Variants in CLCC1 observed in about 807,000 individuals in gnomAD.
The protein encoded by CLCC1 is chloride channel CLIC like 1, also known as chloride channel CLIC-like protein 1.
In CLCC1, 39 loss-of-function variants were observed where a neutral mutation model predicts 63.3. That is an observed-to-expected ratio of 0.62 (90% CI 0.48 to 0.81). CLCC1 has a LOEUF of 0.81. Ranked by LOEUF, CLCC1 falls within the 30% of genes least tolerant of loss-of-function variation. CLCC1 has a pLI of 0.00. For synonymous variants in CLCC1, 217 were observed against 239.8 expected (o/e 0.90, Z 0.88); for missense variants, 549 against 669.4 (o/e 0.82, Z 1.98).
chr1:108,943,167 C>T (rs937934778), intron 7 of CLCC1, among the ~76,000 whole-genome samples: 2 of 152,188 alleles, frequency 1.3e-5, no homozygotes, highest in Admixed American at 6.5e-5. Context: ...CTCAGCCTCC[C>T]AAAATGCTGG....
intron 10 of CLCC1, among the ~76,000 whole-genome samples, chr1:108,939,002 C>T (rs1033481742): frequency 1.3e-5 from 2 of 151,694 alleles, no homozygotes; most frequent in Admixed American, 6.6e-5. Context: ...ACTTAAAAAT[C>T]GCCTTCTCAT....
intron 1 of CLCC1, among the ~76,000 whole-genome samples, chr1:108,962,870 C>CA (rs34375249): frequency 0.54 from 72,091 of 133,628 alleles, 18,320 homozygotes; most frequent in East Asian, 0.65. Flanking sequence ...GACTCCGTCT[C>CA]AAAAAAAAAA....
intron 11 of CLCC1, among the ~76,000 whole-genome samples, chr1:108,936,066 G>A (rs1652902762): frequency 6.6e-6 from 1 of 150,724 alleles, no homozygotes; most frequent in Admixed American, 6.6e-5. Flanking sequence ...TATAAAAGCT[G>A]GAAGGACCAT....
At chr1:108,959,525 TTA>T (rs1656362841) in intron 2 of CLCC1, among the ~76,000 whole-genome samples, 2 of 152,190 alleles carry the variant, frequency 1.3e-5, no homozygotes, top group African/African-American at 4.8e-5. Flanking sequence ...ATAACTGTTA[TTA>T]TTGTGTATTG....
chr1:108,939,801 A>G lies in CLCC1; in HGVS notation c.895-19T>C. 2 of 1,610,978 alleles carry G rather than the reference A, an allele frequency of 1.2e-6. No individual in the cohort carries two copies. The highest frequency in any genetic ancestry group is 1.7e-6 in the Non-Finnish European group (2 of 1,178,624). ...CAAGTGCCTAAAACGAGAGAAAAGC[A>G]ACTTAATTTTCTCCTCACAGGACTA... On this transcript the variant is annotated intron_variant, in intron 9 of 12. Transcript: ENST00000369969.
intron 10 of CLCC1, 22 bp from the exon 11 acceptor site, chr1:108,937,440 T>C: frequency 6.5e-7 from 1 of 1,536,114 alleles, no homozygotes; most frequent in Non-Finnish European, 8.8e-7. Flanking sequence ...AGAAATACAT[T>C]TTCCTGAGGA....
chr1:108,963,462 TGGGCCTCGTCATC>T lies in CLCC1; in HGVS notation c.-287_-275del, dbSNP rs1656950065. 2.8e-6 allele frequency: 2 copies of T among 702,140 alleles called. No individual in the cohort carries two copies. The highest frequency in any genetic ancestry group is 5.2e-6 in the Non-Finnish European group (2 of 384,610). The allele number at this position is 702,140 out of a possible 1,614,324, so 43.5% of individuals were successfully genotyped here. A position where few individuals can be genotyped will look rare whatever the true frequency, so the allele number is the denominator to read the frequency against. On this transcript the variant is annotated 5_prime_UTR_variant, in exon 1 of 13. An upstream start codon of the reference 5' UTR is lost. Coordinates refer to ENST00000369969, the MANE Select transcript of CLCC1 (RefSeq NM_001377458.1). ...CCGCCCAGGGTTTCAGCGTGCTTCC[TGGGCCTCGTCATC>T]GAATTGTTCGGCTGACGGCTGCGTG...
intron 2 of CLCC1, among the ~76,000 whole-genome samples, chr1:108,951,761 GTA>G (rs1035332108): frequency 1.4e-5 from 2 of 140,680 alleles, no homozygotes; most frequent in African/African-American, 2.6e-5. Flanking sequence ...CCGTTGAATT[GTA>G]TACTTTTTTT....
Position 108,943,560 on chromosome 1 carries a change from T to C in CLCC1, c.617A>G (p.Tyr206Cys), listed in dbSNP as rs1649365002. Residue 206 changes from tyrosine (Y) to cysteine (C), a missense_variant, in exon 7 of 13, where the codon TAT becomes TGT. Physicochemically the swap from Tyr to Cys is radical, Grantham distance 194. Transcript: ENST00000369969. ...TCTCAACTGAGTGTACCAACGTACA[T>C]ATGTCCACAGCTCAGTAGCCACTAA... ...VVLVATELWT[Y>C]VRWYTQLRRV... 2 of 1,613,942 alleles carry C rather than the reference T, an allele frequency of 1.2e-6. No individual in the cohort carries two copies. The highest frequency in any genetic ancestry group is 1.7e-6 in the Non-Finnish European group (2 of 1,179,922).
At position 108,941,284 on chromosome 1, in the gene CLCC1, C is replaced by G. The variant is rs1030327841; in HGVS notation, c.796+121G>C. On this transcript the variant is annotated intron_variant, in intron 8 of 12. Coordinates refer to ENST00000369969, the MANE Select transcript of CLCC1 (RefSeq NM_001377458.1). ...AAACCTAAAATGCTTCTTGCATGTT[C>G]TTCTGATATTAAAGATTCAGTCATG... is the stretch of plus-strand genomic sequence containing the variant. 6.8e-6 allele frequency: 6 copies of G among 879,472 alleles called. No homozygotes were observed. The Admixed American group carries it at 9.8e-5, about 14-fold the overall frequency. 54.5% of individuals were successfully genotyped at this position (879,472 alleles called of 1,614,324 possible). A position where few individuals can be genotyped will look rare whatever the true frequency, so the allele number is the denominator to read the frequency against.
intron 5 of CLCC1, among the ~76,000 whole-genome samples, chr1:108,946,642 G>A (rs569965852): frequency 6.6e-6 from 1 of 152,214 alleles, no homozygotes; most frequent in African/African-American, 2.4e-5. Context: ...GGGGCTAATG[G>A]CCAGATCAAG....
At chr1:108,948,425 A>G (rs1173701216) in intron 4 of CLCC1, among the ~76,000 whole-genome samples, 1 of 152,208 alleles carries the variant, frequency 6.6e-6, no homozygotes, top group Non-Finnish European at 1.5e-5. Context: ...TTCAAACATT[A>G]GAATAACTTT....
chr1:108,933,561 T>C (rs1200151763), intron 12 of CLCC1: 1 of 152,254 alleles, frequency 6.6e-6, no homozygotes, highest in Non-Finnish European at 1.5e-5. Context: ...GCATGAAAAT[T>C]TAAAGACTTT....
intron 5 of CLCC1, among the ~76,000 whole-genome samples, chr1:108,946,242 G>A (rs921944619): frequency 2.0e-4 from 31 of 151,744 alleles, no homozygotes; most frequent in Admixed American, 9.8e-4. Context: ...CCTGGGAGGC[G>A]GAGCTTGCAG....
chr1:108,952,168 C>G (rs1450012627), intron 2 of CLCC1, among the ~76,000 whole-genome samples: 2 of 106,774 alleles, frequency 1.9e-5, no homozygotes, highest in African/African-American at 4.2e-5. Flanking sequence ...ACGAATCTCC[C>G]CCCTATTTTT....
intron 2 of CLCC1, among the ~76,000 whole-genome samples, chr1:108,961,400 C>A (rs199653465): frequency 6.6e-6 from 1 of 151,694 alleles, no homozygotes; most frequent in East Asian, 1.9e-4. Flanking sequence ...AAGTGTTAAT[C>A]GAAAGTAACC....
intron 5 of CLCC1, among the ~76,000 whole-genome samples, chr1:108,946,086 G>A (rs142750936): frequency 0.036 from 5,406 of 152,072 alleles, 117 homozygotes; most frequent in South Asian, 0.068. Context: ...TGAGGCAGGC[G>A]GATCACGAGG....
intron 2 of CLCC1, among the ~76,000 whole-genome samples, chr1:108,954,226 C>G (rs140116820): frequency 1.3e-5 from 2 of 150,358 alleles, no homozygotes; most frequent in Non-Finnish European, 2.9e-5. Flanking sequence ...AAAAAGCTTA[C>G]GACTAACTCC....
At chr1:108,936,246 C>T (rs987898658) in intron 11 of CLCC1, among the ~76,000 whole-genome samples, 2 of 152,114 alleles carry the variant, frequency 1.3e-5, no homozygotes, top group Admixed American at 1.3e-4. Context: ...GTGCATACCA[C>T]ATCACGCCTG....
Sources: gnomAD v4.1 joint callset for allele counts (sites outside exome capture counted in the v4.1 genomes callset) on GRCh38, gnomAD v4.1.1 for gene constraint, MANE v1.5 for transcripts, NCBI Gene and HGNC (gene_info 2026-07-23, HGNC 2026-07-21) for gene names.